Variants in KNDC1 observed in about 807,000 individuals in gnomAD.
KNDC1 encodes the protein kinase non-catalytic C-lobe domain containing 1, also known as kinase non-catalytic C-lobe domain-containing protein 1.
Under a neutral mutation model 172.8 loss-of-function variants are expected in KNDC1, and 106 were observed. The ratio of observed to expected loss-of-function variants is 0.61; its 90% CI spans 0.52 to 0.72. The LOEUF is 0.72. Among genes scored for constraint, KNDC1 ranks in the 30% least tolerant of loss-of-function variants. The pLI is 0.00. For missense variants in KNDC1, 2,325 were observed against 2,394.5 expected (o/e 0.97, Z 0.61); for synonymous variants, 1,083 against 1,062.2 (o/e 1.02, Z -0.38).
chr10:133,177,723 GTGT>G (rs1421987996), intron 3 of KNDC1, among the ~76,000 whole-genome samples: 14 of 152,134 alleles, frequency 9.2e-5, no homozygotes, highest in African/African-American at 3.4e-4. Context: ...GTGGTATGGT[GTGT>G]TGTGGCCACA....
In KNDC1 at chr10:133,209,854, G is replaced by C. The variant is rs1339071568; in HGVS notation, c.3795-757G>C. 6.6e-6 allele frequency among the ~76,000 whole-genome samples: 1 copy of C among 152,082 alleles called. No homozygotes were observed. On this transcript the variant is annotated intron_variant, in intron 20 of 29. Transcript: ENST00000304613. This position sits in a 1 kb window ranked among gnomAD's most constrained non-coding sequence, Gnocchi z 4.9. The stretch of plus-strand genomic sequence containing the variant: ...CTCCTCCAGGGTGGGAGGAGGCCTT[G>C]CCAGGCCTCCGCTTCCTGACCGTGG...
At chr10:133,212,035 G>T (rs1357513913) in intron 23 of KNDC1, among the ~76,000 whole-genome samples, 177 bp downstream of exon 23, 1 of 152,130 alleles carries the variant, frequency 6.6e-6, no homozygotes, top group African/African-American at 2.4e-5. Context: ...ATACATACCT[G>T]TGCACATCAC....
rs531329638 is a variant in KNDC1 at position 133,209,282 on chromosome 10, T to TGGTGC, written c.3795-1327_3795-1326insTGCGG. Among the ~76,000 whole-genome samples, 3,617 of 147,746 alleles carry TGGTGC rather than the reference T, an allele frequency of 0.024. 47 individuals carry two copies. The highest frequency in any genetic ancestry group is 0.036 in the Middle Eastern group (10 of 278). ...TATGCGGTAGTGTGTGTGTGGTGTG[T>TGGTGC]GGAGTATAGTGTGTGTGGTGTGGGG... is the stretch of plus-strand genomic sequence containing the variant. On this transcript the variant is annotated intron_variant, in intron 20 of 29. Coordinates refer to ENST00000304613, the MANE Select transcript of KNDC1 (RefSeq NM_152643.8). The surrounding 1 kb of genome is among the most constrained non-coding windows in gnomAD (Gnocchi z 4.9).
At chr10:133,177,295 A>G (rs1437254810) in intron 3 of KNDC1, among the ~76,000 whole-genome samples, 3 of 152,130 alleles carry the variant, frequency 2.0e-5, no homozygotes, top group African/African-American at 7.2e-5. Context: ...ATATGTGTGC[A>G]TCTATGTAGT....
chr10:133,216,903 C>T (rs1845477373), intron 26 of KNDC1, among the ~76,000 whole-genome samples: 1 of 152,236 alleles, frequency 6.6e-6, no homozygotes, highest in Admixed American at 6.5e-5. Context: ...TCGAGGGACT[C>T]AGGCTCAGGG....
intron 1 of KNDC1, among the ~76,000 whole-genome samples, chr10:133,165,986 C>T (rs140920593): frequency 1.4e-4 from 21 of 152,350 alleles, no homozygotes; most frequent in African/African-American, 5.1e-4. Context: ...CACGAACAGA[C>T]GCAGAGCCAG....
chr10:133,184,004 C>T lies in KNDC1; in HGVS notation c.625+15C>T, dbSNP rs1490285438. 6.9e-7 allele frequency: 1 copy of T among 1,458,166 alleles called. No individual in the cohort carries two copies. The highest frequency in any genetic ancestry group is 9.4e-7 in the Non-Finnish European group (1 of 1,064,508). The allele number at this position is 1,458,166 out of a possible 1,614,324, so 90.3% of individuals were successfully genotyped here. A position where few individuals can be genotyped will look rare whatever the true frequency, so the allele number is the denominator to read the frequency against. On this transcript the variant is annotated intron_variant, in intron 5 of 29. Coordinates refer to ENST00000304613, the MANE Select transcript of KNDC1 (RefSeq NM_152643.8). ...AGCGCTGCAGGGTGAGTTCTTGAAC[C>T]CACACACGTGCATCCTCATGCACAT...
At chr10:133,179,808 C>T (rs980301260) in intron 3 of KNDC1, among the ~76,000 whole-genome samples, 13 of 152,296 alleles carry the variant, frequency 8.5e-5, no homozygotes, top group African/African-American at 3.1e-4. Context: ...CTCCTCGACC[C>T]GGCTCCCCGT....
chr10:133,184,369 GCA>G (rs1388599022), intron 5 of KNDC1, among the ~76,000 whole-genome samples: 9 of 150,176 alleles, frequency 6.0e-5, no homozygotes, highest in Non-Finnish European at 7.4e-5. Flanking sequence ...ACACACCCAT[GCA>G]CACACACATG....
rs1853068225 is a variant in KNDC1 at position 133,164,071 on chromosome 10, GGGGGT to G, written c.103-3307_103-3303del. 2 of 88,598 alleles carry G rather than the reference GGGGGT, an allele frequency of 2.3e-5. 1 individual carries two copies. The highest frequency in any genetic ancestry group is 9.8e-5 in the African/African-American group (2 of 20,372). The allele number at this position is 88,598 out of a possible 1,614,324, so 5.5% of individuals were successfully genotyped here. A position where few individuals can be genotyped will look rare whatever the true frequency, so the allele number is the denominator to read the frequency against. ...CCAAATCCCTCCTCCCACCTGGGAT[GGGGGT>G]GGAGTTCATGTCCACCTGCCTTCCC... is the stretch of plus-strand genomic sequence containing the variant. On this transcript the variant is annotated intron_variant, in intron 1 of 29. Coordinates refer to ENST00000304613, the MANE Select transcript of KNDC1 (RefSeq NM_152643.8).
At chr10:133,198,061 C>A (rs1212180237) in intron 12 of KNDC1, among the ~76,000 whole-genome samples, 1 of 152,160 alleles carries the variant, frequency 6.6e-6, no homozygotes. Context: ...GAGCCCACCC[C>A]ACCCCCGTAC....
rs1845319305 is a variant in KNDC1 at position 133,209,857 on chromosome 10, A to T, written c.3795-754A>T. Among the ~76,000 whole-genome samples the T allele has an allele frequency of 6.6e-6, 1 of 152,028 alleles. No homozygotes were observed. The highest frequency in any genetic ancestry group is 2.1e-4 in the South Asian group (1 of 4,830). ...CTCCAGGGTGGGAGGAGGCCTTGCCAGGCCTCCGCTTCCTGACCGTGGCCG... is the reference window on the plus strand; with the variant it reads ...CTCCAGGGTGGGAGGAGGCCTTGCCTGGCCTCCGCTTCCTGACCGTGGCCG... On this transcript the variant is annotated intron_variant, in intron 20 of 29. Transcript: ENST00000304613. The surrounding 1 kb of genome is among the most constrained non-coding windows in gnomAD (Gnocchi z 4.9).
At chr10:133,204,492 T>C (rs1415956740) in intron 17 of KNDC1, among the ~76,000 whole-genome samples, 2 of 152,090 alleles carry the variant, frequency 1.3e-5, no homozygotes, top group Admixed American at 6.5e-5. Flanking sequence ...AGGCCTGGTC[T>C]TTACGCAGCT....
rs993707788 is a variant in KNDC1 at position 133,197,250 on chromosome 10, A to G, written c.1812+115A>G. On this transcript the variant is annotated intron_variant, in intron 11 of 29. Coordinates refer to ENST00000304613, the MANE Select transcript of KNDC1 (RefSeq NM_152643.8). ...CAGCCCCACACCCCGGTCTCTGTTG[A>G]CCACCGAGCTGTGGGTGGGTGCATC... 124 of 793,076 alleles carry G rather than the reference A, an allele frequency of 1.6e-4. No homozygotes were observed. In the African/African-American group the frequency reaches 1.9e-3, roughly 12 times the overall value. 49.1% of individuals were successfully genotyped at this position (793,076 alleles called of 1,614,324 possible). A position where few individuals can be genotyped will look rare whatever the true frequency, so the allele number is the denominator to read the frequency against.
intron 17 of KNDC1, 79 bp from the exon 18 acceptor site, chr10:133,206,606 G>A (rs1845200084): frequency 1.7e-6 from 2 of 1,177,258 alleles, no homozygotes; most frequent in African/African-American, 1.5e-5. Flanking sequence ...GGAGGCCCCA[G>A]TGGGGTGGGG....
chr10:133,195,639 A>G (rs772621205), intron 9 of KNDC1, 24 bp from the exon 10 acceptor site: 25 of 1,533,474 alleles, frequency 1.6e-5, no homozygotes, highest in Non-Finnish European at 2.2e-5. Flanking sequence ...TGCGGTAGAC[A>G]CTATTCTCTC....
chr10:133,190,557 AT>A (rs1854050274), intron 9 of KNDC1, among the ~76,000 whole-genome samples: 2 of 152,156 alleles, frequency 1.3e-5, no homozygotes, highest in Admixed American at 1.3e-4. Flanking sequence ...TGCCTCACAT[AT>A]TGAGACTTGG....
chr10:133,162,243 G>A (rs568967966), intron 1 of KNDC1, among the ~76,000 whole-genome samples: 246 of 152,296 alleles, frequency 1.6e-3, no homozygotes, highest in African/African-American at 5.3e-3. Flanking sequence ...TTCCCCTGGC[G>A]TTCAGACTCT....
intron 6 of KNDC1, 105 bp from the exon 7 acceptor site, chr10:133,188,434 G>C: frequency 1.4e-6 from 1 of 698,120 alleles, no homozygotes; most frequent in Non-Finnish European, 2.5e-6. Flanking sequence ...GCCTACTCAG[G>C]GGCTGAGTGG....
Sources: allele counts gnomAD v4.1 joint callset (sites outside exome capture counted in the v4.1 genomes callset), GRCh38; gene constraint gnomAD v4.1.1; non-coding constraint Gnocchi (gnomAD v3.1); transcripts MANE v1.5; gene names NCBI Gene and HGNC (gene_info 2026-07-23, HGNC 2026-07-21).